Variants in LIMCH1 observed in about 807,000 individuals in gnomAD.
LIMCH1 encodes the protein LIM and calponin homology domains 1.
A neutral mutation model predicts 176.5 loss-of-function variants in LIMCH1; 113 were observed. The ratio of observed to expected loss-of-function variants is 0.64; its 90% CI spans 0.55 to 0.75. The LOEUF is 0.75. Ranked by LOEUF, LIMCH1 falls within the 30% of genes least tolerant of loss-of-function variation. The probability of loss-of-function intolerance (pLI) is 0.00; values close to 1 mark genes in which losing one functional copy is unlikely to be tolerated. For synonymous variants in LIMCH1, 619 were observed against 645.9 expected, an observed-to-expected ratio of 0.96 and a Z score of 0.63; for missense variants, 1,674 against 1,814.9, an observed-to-expected ratio of 0.92 and a Z score of 1.41.
chr4:41,683,081 T>G (rs1353250266), intron 26 of LIMCH1, among the ~76,000 whole-genome samples: 5 of 152,110 alleles, frequency 3.3e-5, no homozygotes, highest in Non-Finnish European at 5.9e-5. Flanking sequence ...ATTACTCACT[T>G]GAAATGATGA....
intron 1 of LIMCH1, among the ~76,000 whole-genome samples, chr4:41,376,692 A>T (rs745701993): frequency 6.6e-6 from 1 of 152,214 alleles, no homozygotes; most frequent in Non-Finnish European, 1.5e-5. Context: ...CTAGGGTAAG[A>T]CATATTTCTG....
At position 41,360,947 on chromosome 4, in the gene LIMCH1, G is replaced by GTGGCTGGCGGGCGGCCTT. The variant is rs1239984454; in HGVS notation, c.96+12_96+29dup. 1 of 1,560,954 alleles carries GTGGCTGGCGGGCGGCCTT rather than the reference G, an allele frequency of 6.4e-7. No homozygotes were observed. The highest frequency in any genetic ancestry group is 1.9e-5 in the Admixed American group (1 of 51,658). On this transcript the variant is annotated intron_variant, in intron 1 of 26. Coordinates refer to the LIMCH1 transcript ENST00000313860. The surrounding 1 kb of genome is among the most constrained non-coding windows in gnomAD (Gnocchi z 4.5). Reference sequence around the variant, plus strand: ...CAGAAGTGGATTGAGGTAGGTGCGGGTGGCTGGCGGGCGGCCTTGCACTGG... The same window carrying GTGGCTGGCGGGCGGCCTT: ...CAGAAGTGGATTGAGGTAGGTGCGGGTGGCTGGCGGGCGGCCTTTGGCTGGCGGGCGGCCTTGCACTGG...
At chr4:41,628,632 G>T (rs1298163726) in intron 8 of LIMCH1, among the ~76,000 whole-genome samples, 2 of 151,984 alleles carry the variant, frequency 1.3e-5, no homozygotes. Flanking sequence ...TATATTTTTT[G>T]AGATTTTTCT....
chr4:41,444,805 A>G (rs992940630), intron 1 of LIMCH1, among the ~76,000 whole-genome samples: 2 of 152,164 alleles, frequency 1.3e-5, no homozygotes, highest in Non-Finnish European at 2.9e-5. Context: ...GGTTAAGGAT[A>G]TAGTCCCCAT....
intron 22 of LIMCH1, among the ~76,000 whole-genome samples, chr4:41,673,799 A>ATT (rs1372873379): frequency 6.6e-6 from 1 of 152,244 alleles, no homozygotes; most frequent in African/African-American, 2.4e-5. Context: ...CCAGAGGAAG[A>ATT]TATGGACTTG....
chr4:41,665,829 A>G (rs1459468041), intron 20 of LIMCH1, among the ~76,000 whole-genome samples: 2 of 152,228 alleles, frequency 1.3e-5, no homozygotes, highest in Non-Finnish European at 2.9e-5. Context: ...TGTTTCTACT[A>G]AAGGTCATTC....
chr4:41,647,755 T>C (rs2094125374), intron 17 of LIMCH1, among the ~76,000 whole-genome samples: 1 of 152,274 alleles, frequency 6.6e-6, no homozygotes, highest in Non-Finnish European at 1.5e-5. Flanking sequence ...GCTTCCTTGC[T>C]GTATTTCAAA....
chr4:41,503,836 T>C (rs2073794446), intron 2 of LIMCH1, among the ~76,000 whole-genome samples: 1 of 152,200 alleles, frequency 6.6e-6, no homozygotes, highest in Non-Finnish European at 1.5e-5. Context: ...CTGCCCTTGC[T>C]CTGAGCTTCC....
chr4:41,696,811 TCTTG>T (rs1047618220), intron 31 of LIMCH1, among the ~76,000 whole-genome samples: 1 of 152,210 alleles, frequency 6.6e-6, no homozygotes, highest in African/African-American at 2.4e-5. Flanking sequence ...GAGATTATTT[TCTTG>T]CTTATTTGCC....
chr4:41,456,422 T>C (rs2064605196), intron 1 of LIMCH1, among the ~76,000 whole-genome samples: 1 of 152,184 alleles, frequency 6.6e-6, no homozygotes, highest in African/African-American at 2.4e-5. Context: ...CACCAAGTAA[T>C]ATGCCTTGTC....
intron 4 of LIMCH1, among the ~76,000 whole-genome samples, chr4:41,609,389 GC>G (rs1257787104): frequency 6.6e-6 from 1 of 152,124 alleles, no homozygotes; most frequent in Non-Finnish European, 1.5e-5. Context: ...CTAGAACAGT[GC>G]CTGTCACACA....
At chr4:41,641,506 G>A (rs1229552566) in intron 14 of LIMCH1, among the ~76,000 whole-genome samples, 2 of 151,782 alleles carry the variant, frequency 1.3e-5, no homozygotes, top group African/African-American at 2.4e-5. Flanking sequence ...GGTTGAGCCT[G>A]CCTTATAGAA....
intron 1 of LIMCH1, among the ~76,000 whole-genome samples, chr4:41,416,296 A>G (rs2059930852): frequency 6.6e-6 from 1 of 152,238 alleles, no homozygotes; most frequent in South Asian, 2.1e-4. Context: ...GGTCACGATA[A>G]TAACAATAAT....
rs200820415 is a variant in LIMCH1, at chr4:41,644,450, C to G, written c.2127-50C>G. ...CAGGACGCCCAGGCGCGCGGAGACG[C>G]GACGGGCGCTGATCGCGGTCCCTCT... On this transcript the variant is annotated intron_variant, in intron 14 of 31. Transcript: ENST00000503057. The G allele has an allele frequency of 8.2e-5, 118 of 1,436,690 alleles. No individual in the cohort carries two copies. In the East Asian group the frequency reaches 3.1e-3, roughly 38 times the overall value. The allele number at this position is 1,436,690 out of a possible 1,614,324, so 89.0% of individuals were successfully genotyped here.
intron 1 of LIMCH1, among the ~76,000 whole-genome samples, chr4:41,444,309 TATATACACACA>T (rs1483537851): frequency 2.0e-5 from 2 of 99,574 alleles, no homozygotes; most frequent in East Asian, 6.9e-4. Flanking sequence ...TGTGTGTATA[TATATACACACA>T]CACACACACA....
chr4:41,511,598 A>G (rs1186440569), intron 2 of LIMCH1, among the ~76,000 whole-genome samples: 2 of 152,246 alleles, frequency 1.3e-5, no homozygotes, highest in Middle Eastern at 3.4e-3. Context: ...ACTGACAGCG[A>G]CTCACCCATC....
upstream of LIMCH1, among the ~76,000 whole-genome samples, chr4:41,534,640 T>TTTTGGATTTACAATTTA: frequency 6.6e-6 from 1 of 152,322 alleles, no homozygotes; most frequent in South Asian, 2.1e-4. Flanking sequence ...AAAATTGGAC[T>TTTTGGATTTACAATTTA]AGGTTAATGG....
At chr4:41,677,487 A>G (rs1402983216) in intron 23 of LIMCH1, among the ~76,000 whole-genome samples, 1 of 152,156 alleles carries the variant, frequency 6.6e-6, no homozygotes, top group Non-Finnish European at 1.5e-5. Flanking sequence ...ATTCTAGAAA[A>G]ATTCTGATAG....
chr4:41,693,087 C>A (rs1560415857), intron 31 of LIMCH1: 2 of 152,352 alleles, frequency 1.3e-5, no homozygotes, highest in South Asian at 4.1e-4. Context: ...TTTAGAAAAT[C>A]TGAAAATGGC....
Sources: gnomAD v4.1 joint callset for allele counts (sites outside exome capture counted in the v4.1 genomes callset) on GRCh38, gnomAD v4.1.1 for gene constraint, Gnocchi (gnomAD v3.1) non-coding constraint, MANE v1.5 for transcripts, NCBI Gene and HGNC (gene_info 2026-07-23, HGNC 2026-07-21) for gene names.